Variants in TMTC2 observed in about 807,000 individuals in gnomAD.
TMTC2 encodes the protein protein O-mannosyl-transferase TMTC2.
In TMTC2, 43 loss-of-function variants were observed where a neutral mutation model predicts 82.4. The observed-to-expected ratio is 0.52, with a 90% CI of 0.41 to 0.67. The LOEUF (loss-of-function observed/expected upper bound fraction) is 0.67. TMTC2 is among the 30% of genes least tolerant of loss of function. TMTC2 has a pLI of 0.00. For missense variants in TMTC2, 919 were observed against 1,012.4 expected (o/e 0.91, Z 1.25); for synonymous variants, 408 against 381.9 (o/e 1.07, Z -0.80).
chr12:82,972,588 T>C (rs1303245533), intron 7 of TMTC2, among the ~76,000 whole-genome samples: 1 of 152,174 alleles, frequency 6.6e-6, no homozygotes, highest in Non-Finnish European at 1.5e-5. Context: ...AAAAAGCTTG[T>C]GTGAATTTTA....
intron 2 of TMTC2, among the ~76,000 whole-genome samples, chr12:82,858,689 G>A (rs541677298): frequency 1.3e-5 from 2 of 149,492 alleles, no homozygotes; most frequent in Non-Finnish European, 3.0e-5. Context: ...TCTCTGCTGT[G>A]CTTTTTCTCT....
chr12:82,887,289 G>C (rs1417646165), intron 2 of TMTC2, among the ~76,000 whole-genome samples: 8 of 152,112 alleles, frequency 5.3e-5, no homozygotes, highest in Admixed American at 5.2e-4. Flanking sequence ...AGACAATATT[G>C]AAGCTGCTAT....
At chr12:83,098,655 A>T (rs1884111381) in intron 11 of TMTC2, among the ~76,000 whole-genome samples, 1 of 152,328 alleles carries the variant, frequency 6.6e-6, no homozygotes, top group African/African-American at 2.4e-5. Flanking sequence ...CACAAGTTTT[A>T]TCGGAAACCA....
At chr12:82,971,576 C>T (rs1878447647) in intron 7 of TMTC2, among the ~76,000 whole-genome samples, 1 of 152,006 alleles carries the variant, frequency 6.6e-6, no homozygotes, top group Non-Finnish European at 1.5e-5. Context: ...TGTTTGAGCT[C>T]TTCCAATCCC....
At chr12:82,785,333 T>G (rs1878124175) in intron 1 of TMTC2, among the ~76,000 whole-genome samples, 1 of 151,710 alleles carries the variant, frequency 6.6e-6, no homozygotes, top group African/African-American at 2.4e-5. Flanking sequence ...CTATTTTAAT[T>G]TTTAATCCAA....
At chr12:82,724,406 T>A (rs1002448102) in intron 1 of TMTC2, among the ~76,000 whole-genome samples, 1 of 152,110 alleles carries the variant, frequency 6.6e-6, no homozygotes, top group Non-Finnish European at 1.5e-5. Flanking sequence ...TAGTGGGAGA[T>A]GATTAGATCA....
At chr12:82,942,519 T>C (rs981722801) in intron 4 of TMTC2, among the ~76,000 whole-genome samples, 1 of 152,182 alleles carries the variant, frequency 6.6e-6, no homozygotes, top group African/African-American at 2.4e-5. Flanking sequence ...AAATAGCCTT[T>C]TGAAAAAAAT....
chr12:82,727,629 G>C (rs1874528745), intron 1 of TMTC2, among the ~76,000 whole-genome samples: 1 of 151,810 alleles, frequency 6.6e-6, no homozygotes, highest in Non-Finnish European at 1.5e-5. Flanking sequence ...GCTGAGCCAG[G>C]AGAATCACTT....
chr12:82,934,788 A>G (rs1876227963), intron 4 of TMTC2, among the ~76,000 whole-genome samples: 2 of 152,270 alleles, frequency 1.3e-5, no homozygotes, highest in Admixed American at 6.5e-5. Context: ...ATCCTTGAGG[A>G]ATCGCCACAC....
intron 1 of TMTC2, among the ~76,000 whole-genome samples, chr12:82,801,454 G>C (rs1392648229): frequency 6.6e-6 from 1 of 152,134 alleles, no homozygotes; most frequent in Non-Finnish European, 1.5e-5. Context: ...CTGCAGGCTT[G>C]GGCAGCCTGC....
chr12:82,822,580 G>T (rs1320827826), intron 1 of TMTC2, among the ~76,000 whole-genome samples: 2 of 152,186 alleles, frequency 1.3e-5, no homozygotes, highest in East Asian at 3.8e-4. Flanking sequence ...ACTAAAACTT[G>T]AATGCCTATA....
chr12:82,928,720 T>C (rs1016914179), intron 3 of TMTC2, among the ~76,000 whole-genome samples: 1 of 152,178 alleles, frequency 6.6e-6, no homozygotes, highest in African/African-American at 2.4e-5. Context: ...TGTCTCCTCA[T>C]CTGGGGAATG....
At chr12:83,090,829 C>T (rs1398079001) in intron 11 of TMTC2, among the ~76,000 whole-genome samples, 1 of 152,174 alleles carries the variant, frequency 6.6e-6, no homozygotes, top group Non-Finnish European at 1.5e-5. Flanking sequence ...CACCAGCACT[C>T]CAGACATTGA....
intron 11 of TMTC2, among the ~76,000 whole-genome samples, chr12:83,072,124 C>G (rs774828159): frequency 6.6e-6 from 1 of 152,076 alleles, no homozygotes; most frequent in Non-Finnish European, 1.5e-5. Flanking sequence ...CTCTTTCAGT[C>G]TCTTTGATGT....
intron 1 of TMTC2, among the ~76,000 whole-genome samples, chr12:82,785,794 C>A (rs1025730750): frequency 5.9e-5 from 9 of 152,088 alleles, no homozygotes; most frequent in African/African-American, 2.2e-4. Context: ...ATTCTAGAGA[C>A]CATGATTCAG....
intron 11 of TMTC2, among the ~76,000 whole-genome samples, chr12:83,065,243 ATTTC>A (rs1479589577): frequency 6.6e-6 from 1 of 151,898 alleles, no homozygotes; most frequent in Non-Finnish European, 1.5e-5. Context: ...CCCATGATGA[ATTTC>A]TTTATTTTTT....
At chr12:83,094,084 G>A (rs1883937178) in intron 11 of TMTC2, among the ~76,000 whole-genome samples, 1 of 152,236 alleles carries the variant, frequency 6.6e-6, no homozygotes, top group Non-Finnish European at 1.5e-5. Flanking sequence ...GAGCTGTGGT[G>A]TCTGCCTTTG....
At chr12:82,887,607 A>G (rs1281933520) in intron 2 of TMTC2, among the ~76,000 whole-genome samples, 1 of 152,112 alleles carries the variant, frequency 6.6e-6, no homozygotes, top group East Asian at 1.9e-4. Context: ...TCAACCAGGA[A>G]CCTTATATTG....
chr12:82,693,968 CAAAA>C (rs1005660355), intron 1 of TMTC2, among the ~76,000 whole-genome samples: 4 of 41,426 alleles, frequency 9.7e-5, no homozygotes, highest in African/African-American at 1.8e-4. Context: ...AACTCCATCT[CAAAA>C]AAAAAAAAAA....
Sources: gnomAD v4.1 joint callset for allele counts (sites outside exome capture counted in the v4.1 genomes callset) on GRCh38, gnomAD v4.1.1 for gene constraint, MANE v1.5 for transcripts, NCBI Gene and HGNC (gene_info 2026-07-23, HGNC 2026-07-21) for gene names.